Variants in DCC observed in about 807,000 individuals in gnomAD.
The protein encoded by DCC is netrin receptor DCC.
A neutral mutation model predicts 172.5 loss-of-function variants in DCC; 58 were observed. The ratio of observed to expected loss-of-function variants is 0.34; its 90% CI spans 0.27 to 0.42. The LOEUF (loss-of-function observed/expected upper bound fraction) is 0.42. Ranked by LOEUF, DCC falls within the 10% of genes least tolerant of loss-of-function variation. The pLI, the probability that DCC is intolerant of heterozygous loss-of-function variation, is 1.00. For missense variants in DCC, 1,740 were observed against 1,791.0 expected (o/e 0.97, Z 0.51); for synonymous variants, 709 against 644.5 (o/e 1.10, Z -1.52).
intron 7 of DCC, among the ~76,000 whole-genome samples, chr18:53,099,013 A>G (rs1303410546): frequency 2.6e-5 from 4 of 152,094 alleles, no homozygotes; most frequent in African/African-American, 7.2e-5. Context: ...CTTCTCAATA[A>G]TAATAATAAT....
chr18:52,528,181 A>C (rs972841098), intron 1 of DCC, among the ~76,000 whole-genome samples: 1 of 152,254 alleles, frequency 6.6e-6, no homozygotes, highest in Non-Finnish European at 1.5e-5. Context: ...AAAACAAAAC[A>C]AAAACAACTT....
chr18:52,919,324 T>G (rs1007453316), intron 3 of DCC, among the ~76,000 whole-genome samples: 10 of 152,164 alleles, frequency 6.6e-5, no homozygotes, highest in African/African-American at 2.2e-4. Context: ...TATTAAAAAA[T>G]TTTTTGATCA....
At chr18:52,423,811 T>G (rs1291205551) in intron 1 of DCC, among the ~76,000 whole-genome samples, 2 of 152,206 alleles carry the variant, frequency 1.3e-5, no homozygotes, top group Non-Finnish European at 2.9e-5. Context: ...CTGAACATGT[T>G]TAAAGTGTGA....
In DCC at chr18:53,179,026, G is replaced by A; in HGVS notation, c.1483G>A (p.Glu495Lys). The change falls in exon 9 of 29, where the codon GAA becomes AAA. Residue 495 changes from glutamate (E) to lysine (K), a missense_variant. Physicochemically the swap from Glu to Lys is moderately conservative, Grantham distance 56 (BLOSUM62 1). Coordinates refer to ENST00000442544, the MANE Select transcript of DCC (RefSeq NM_005215.4). The stretch of plus-strand genomic sequence containing the variant: ...GCTCACTGTGGGAAACCTGAAGCCA[G>A]AAGCCATGTACACCTTTCGAGTTGT... ...LQLTVGNLKP[E>K]AMYTFRVVAY... is the part of the protein sequence containing the mutation. 6.2e-7 allele frequency: 1 copy of A among 1,614,086 alleles called. No individual in the cohort carries two copies. Among genetic ancestry groups the A allele is most frequent in the South Asian group, 1.1e-5 (1 of 91,084 alleles).
intron 12 of DCC, among the ~76,000 whole-genome samples, chr18:53,292,425 A>G (rs1213086711): frequency 1.3e-5 from 2 of 152,140 alleles, no homozygotes; most frequent in Non-Finnish European, 2.9e-5. Flanking sequence ...GGTGGCTTAC[A>G]CCTGTAATCC....
chr18:52,376,971 C>T (rs774815437), intron 1 of DCC, among the ~76,000 whole-genome samples: 8 of 152,226 alleles, frequency 5.3e-5, no homozygotes, highest in Middle Eastern at 3.4e-3. Context: ...CTTCCAGCAG[C>T]GGCTACATCT....
chr18:52,612,449 A>AT (rs34432767), intron 1 of DCC, among the ~76,000 whole-genome samples: 22,942 of 145,240 alleles, frequency 0.16, 2,150 homozygotes, highest in East Asian at 0.29. Context: ...AGTGGCTTTG[A>AT]TTTTTTTTTT....
At chr18:52,862,850 C>G (rs2039165301) in intron 2 of DCC, among the ~76,000 whole-genome samples, 1 of 151,468 alleles carries the variant, frequency 6.6e-6, no homozygotes, top group Non-Finnish European at 1.5e-5. Flanking sequence ...GTTCTTCCCT[C>G]TCTTTTATTT....
At chr18:52,490,211 A>G (rs576652272) in intron 1 of DCC, among the ~76,000 whole-genome samples, 6 of 152,268 alleles carry the variant, frequency 3.9e-5, no homozygotes, top group African/African-American at 1.4e-4. Context: ...TTTCTATAAT[A>G]GGAGCTTTTA....
intron 1 of DCC, among the ~76,000 whole-genome samples, chr18:52,688,128 T>A (rs77435210): frequency 2.7e-5 from 1 of 37,686 alleles, no homozygotes; most frequent in African/African-American, 8.8e-5. Context: ...GGGATCTTCT[T>A]TTTTTTTTTT....
intron 1 of DCC, among the ~76,000 whole-genome samples, chr18:52,695,312 C>A (rs1318340523): frequency 1.3e-5 from 2 of 152,156 alleles, no homozygotes; most frequent in African/African-American, 4.8e-5. Context: ...AGACTGCAAT[C>A]TGTTATGTAA....
intron 15 of DCC, among the ~76,000 whole-genome samples, chr18:53,347,204 TG>T: frequency 6.6e-6 from 1 of 152,308 alleles, no homozygotes; most frequent in Admixed American, 6.5e-5. Flanking sequence ...CTGACAGTAC[TG>T]GGGTGCTTTC....
At chr18:52,602,560 C>A (rs2034039145) in intron 1 of DCC, among the ~76,000 whole-genome samples, 1 of 151,950 alleles carries the variant, frequency 6.6e-6, no homozygotes, top group Non-Finnish European at 1.5e-5. Flanking sequence ...AAATTTTGTG[C>A]ATAATATAAA....
At chr18:53,102,040 T>G (rs1228374244) in intron 7 of DCC, among the ~76,000 whole-genome samples, 1 of 152,048 alleles carries the variant, frequency 6.6e-6, no homozygotes, top group African/African-American at 2.4e-5. Context: ...CAGGAGAGCT[T>G]AAAGACTCAA....
chr18:52,462,320 C>T (rs1281199510), intron 1 of DCC, among the ~76,000 whole-genome samples: 2 of 152,142 alleles, frequency 1.3e-5, no homozygotes, highest in African/African-American at 4.8e-5. Context: ...TGACTTCCCA[C>T]CTCAGTCAAA....
chr18:52,755,487 A>G (rs1044244912), intron 2 of DCC, among the ~76,000 whole-genome samples: 5 of 152,360 alleles, frequency 3.3e-5, no homozygotes, highest in African/African-American at 1.2e-4. Context: ...GTATCATTTC[A>G]AGGCAATAAG....
chr18:53,456,226 G>T (rs1366847619), intron 23 of DCC, among the ~76,000 whole-genome samples: 2 of 152,174 alleles, frequency 1.3e-5, no homozygotes, highest in Non-Finnish European at 2.9e-5. Flanking sequence ...TGCAAGTTAG[G>T]ATTTTGAAGG....
rs371892839 is a variant in DCC, at chr18:53,339,664, A to C, written c.2165-49A>C. ...TGCTTAAATGGTGTTCTGCCGTGCTACATTTTCTGTTATGAGACATGCTGA... is the reference window on the plus strand; with the variant it reads ...TGCTTAAATGGTGTTCTGCCGTGCTCCATTTTCTGTTATGAGACATGCTGA... On this transcript the variant is annotated intron_variant, in intron 14 of 28. Transcript: ENST00000442544. The C allele has an allele frequency of 5.6e-5, 81 of 1,440,084 alleles. No individual in the cohort carries two copies. The African/African-American group carries it at 1.1e-3, about 19-fold the overall frequency. 89.2% of individuals were successfully genotyped at this position (1,440,084 alleles called of 1,614,324 possible). A position where few individuals can be genotyped will look rare whatever the true frequency, so the allele number is the denominator to read the frequency against.
intron 5 of DCC, among the ~76,000 whole-genome samples, chr18:52,999,949 G>T (rs990293734): frequency 1.3e-5 from 2 of 152,022 alleles, no homozygotes; most frequent in African/African-American, 2.4e-5. Context: ...TAGCCATGCA[G>T]GGAGAAGGCC....
Sources: gnomAD v4.1 joint callset for allele counts (sites outside exome capture counted in the v4.1 genomes callset) on GRCh38, gnomAD v4.1.1 for gene constraint, MANE v1.5 for transcripts, NCBI Gene and HGNC (gene_info 2026-07-23, HGNC 2026-07-21) for gene names.